ARK2C: variants seen among roughly 807,000 people sequenced by gnomAD.
ARK2C encodes the protein E3 ubiquitin-protein ligase ARK2C.
the ARK2C span, among the ~76,000 whole-genome samples, chr18:46,357,069 A>T: frequency 6.6e-6 from 1 of 152,226 alleles, no homozygotes; most frequent in East Asian, 1.9e-4. Flanking sequence ...TACCTTTCTG[A>T]GGTAGGAATC....
chr18:46,341,535 G>T, the ARK2C span, among the ~76,000 whole-genome samples: 1 of 152,158 alleles, frequency 6.6e-6, no homozygotes, highest in Non-Finnish European at 1.5e-5. Context: ...GTACAGATAA[G>T]CACATAGAAC....
At chr18:46,457,159 T>G in the ARK2C span, 1 of 152,748 alleles carries the variant, frequency 6.5e-6, no homozygotes, top group South Asian at 2.1e-4. Flanking sequence ...CTCATTGAGT[T>G]TCTTGTTTTG....
At chr18:46,425,463 C>T in the ARK2C span, among the ~76,000 whole-genome samples, 2 of 152,248 alleles carry the variant, frequency 1.3e-5, no homozygotes, top group African/African-American at 2.4e-5. Flanking sequence ...TTCTTCCCCT[C>T]TTTCAGCCCC....
At chr18:46,375,833 A>G in the ARK2C span, among the ~76,000 whole-genome samples, 5 of 152,304 alleles carry the variant, frequency 3.3e-5, no homozygotes, top group East Asian at 9.7e-4. Flanking sequence ...CTCTGCTTAC[A>G]TCAAACAACT....
At chr18:46,335,047 T>C in the ARK2C span, 622 of 145,586 alleles carry the variant, frequency 4.3e-3, 3 homozygotes, top group African/African-American at 0.014. Context: ...CTTGGGCGCG[T>C]GTGTGTGTGT....
chr18:46,352,693 C>T, the ARK2C span, among the ~76,000 whole-genome samples: 1 of 152,166 alleles, frequency 6.6e-6, no homozygotes, highest in South Asian at 2.1e-4. Context: ...GAGCATGACA[C>T]AGCACTGCAC....
At chr18:46,456,959 C>A in the ARK2C span, 1 of 359,064 alleles carries the variant, frequency 2.8e-6, no homozygotes, top group Admixed American at 3.9e-5. Context: ...AGCTGACAGA[C>A]GGGCCCCTCA....
At chr18:46,370,310 A>C in the ARK2C span, among the ~76,000 whole-genome samples, 8 of 152,178 alleles carry the variant, frequency 5.3e-5, no homozygotes, top group Non-Finnish European at 1.2e-4. Context: ...TGAAGCCTTG[A>C]AGGGATAATC....
the ARK2C span, among the ~76,000 whole-genome samples, chr18:46,447,253 AG>A: frequency 6.6e-6 from 1 of 152,000 alleles, no homozygotes; most frequent in Non-Finnish European, 1.5e-5. Flanking sequence ...TGCTCGATTT[AG>A]ATTCTTCTTT....
At chr18:46,371,705 G>A in the ARK2C span, among the ~76,000 whole-genome samples, 1 of 152,150 alleles carries the variant, frequency 6.6e-6, no homozygotes, top group Non-Finnish European at 1.5e-5. Context: ...GAGAAGCACT[G>A]GTGTTTCCCA....
the ARK2C span, among the ~76,000 whole-genome samples, chr18:46,408,881 C>T: frequency 6.6e-6 from 1 of 152,206 alleles, no homozygotes; most frequent in African/African-American, 2.4e-5. Context: ...TCTGAGTCAT[C>T]ACACAGGACT....
the ARK2C span, among the ~76,000 whole-genome samples, chr18:46,405,589 C>G: frequency 6.2e-4 from 95 of 152,216 alleles, no homozygotes; most frequent in African/African-American, 2.2e-3. Context: ...AGGAAAAATG[C>G]TAAGAAGGTT....
the ARK2C span, among the ~76,000 whole-genome samples, chr18:46,404,491 C>T: frequency 5.3e-5 from 8 of 152,170 alleles, no homozygotes; most frequent in Admixed American, 2.0e-4. Context: ...TGGTGGCTCA[C>T]ACCTGTAATC....
At chr18:46,374,386 A>G in the ARK2C span, among the ~76,000 whole-genome samples, 4 of 152,122 alleles carry the variant, frequency 2.6e-5, no homozygotes, top group African/African-American at 9.7e-5. Context: ...TACCCCAATG[A>G]AAACTCTGTC....
At chr18:46,462,101 G>A in the ARK2C span, 1 of 152,334 alleles carries the variant, frequency 6.6e-6, no homozygotes, top group South Asian at 2.1e-4. Flanking sequence ...TTGCTCCCTG[G>A]GGACTGTGGG....
At chr18:46,387,171 C>T in the ARK2C span, 1 of 152,324 alleles carries the variant, frequency 6.6e-6, no homozygotes, top group East Asian at 1.9e-4. Context: ...GTCTGTCCAG[C>T]TTAGCAGACA....
the ARK2C span, among the ~76,000 whole-genome samples, chr18:46,348,900 CT>C: frequency 1.4e-5 from 2 of 144,598 alleles, no homozygotes; most frequent in Non-Finnish European, 3.0e-5. Context: ...CTCTCTCTTT[CT>C]GTGTGTGTGT....
the ARK2C span, among the ~76,000 whole-genome samples, chr18:46,416,902 T>G: frequency 6.6e-6 from 1 of 152,206 alleles, no homozygotes; most frequent in East Asian, 1.9e-4. Context: ...CCTAAGCCAG[T>G]CACGTGGCCA....
the ARK2C span, chr18:46,435,265 G>A: frequency 6.2e-7 from 1 of 1,607,128 alleles, no homozygotes; most frequent in Non-Finnish European, 8.5e-7. Context: ...CTGACACGAG[G>A]GCTCTCCATC....
Sources: gnomAD v4.1 joint callset for allele counts (sites outside exome capture counted in the v4.1 genomes callset) on GRCh38, gnomAD v4.1.1 for gene constraint, MANE v1.5 for transcripts, NCBI Gene and HGNC (gene_info 2026-07-23, HGNC 2026-07-21) for gene names.